Variants in FBXW8 observed in about 807,000 individuals in gnomAD.
FBXW8 encodes F-box/WD repeat-containing protein 8.
FBXW8 carries 57 observed loss-of-function variants against 65.3 expected under a neutral mutation model. The ratio of observed to expected loss-of-function variants is 0.87; its 90% CI spans 0.71 to 1.09. FBXW8 has a LOEUF of 1.09. FBXW8 is among the 50% of genes least tolerant of loss of function. FBXW8 has a pLI of 0.00. For missense variants in FBXW8, 777 were observed against 814.8 expected, an observed-to-expected ratio of 0.95 and a Z score of 0.57; for synonymous variants, 308 against 330.2, an observed-to-expected ratio of 0.93 and a Z score of 0.73.
At chr12:117,001,872 C>T (rs1423639413) in intron 7 of FBXW8, among the ~76,000 whole-genome samples, 1 of 152,212 alleles carries the variant, frequency 6.6e-6, no homozygotes, top group Non-Finnish European at 1.5e-5. Context: ...CTTACCCTTA[C>T]ACCAGCACTG....
intron 4 of FBXW8, chr12:116,951,488 T>C (rs1883283893): frequency 6.6e-6 from 1 of 152,250 alleles, no homozygotes; most frequent in African/African-American, 2.4e-5. Context: ...TCACCCCTTC[T>C]TTCTCTTGTA....
chr12:117,017,768 A>G (rs1030135504), intron 8 of FBXW8, among the ~76,000 whole-genome samples: 15 of 152,086 alleles, frequency 9.9e-5, no homozygotes, highest in African/African-American at 3.6e-4. Flanking sequence ...CCTTAATGAA[A>G]CTGCCGAGCC....
intron 8 of FBXW8, among the ~76,000 whole-genome samples, chr12:117,012,498 G>A (rs915917265): frequency 3.9e-5 from 6 of 152,026 alleles, no homozygotes; most frequent in Non-Finnish European, 5.9e-5. Flanking sequence ...TAGAATATAG[G>A]GGTTTAAAAT....
chr12:116,974,092 A>G (rs1279595348), intron 5 of FBXW8, among the ~76,000 whole-genome samples: 2 of 152,198 alleles, frequency 1.3e-5, no homozygotes, highest in East Asian at 3.9e-4. Flanking sequence ...GGGGGACCTA[A>G]ACAGAGTCTG....
intron 8 of FBXW8, 50 bp downstream of exon 8, chr12:117,010,500 G>A (rs1370672664): frequency 1.2e-6 from 2 of 1,613,042 alleles, no homozygotes; most frequent in South Asian, 2.2e-5. Context: ...CTTCTGCCAA[G>A]GCCCGGCCCC....
chr12:116,969,840 AT>A (rs145399216), intron 5 of FBXW8, among the ~76,000 whole-genome samples: 2,283 of 152,080 alleles, frequency 0.015, 53 homozygotes, highest in African/African-American at 0.046. Context: ...GGGTGTTGAG[AT>A]TTGGCAAGGT....
chr12:116,954,785 T>C (rs1226547166), intron 4 of FBXW8, among the ~76,000 whole-genome samples: 1 of 152,180 alleles, frequency 6.6e-6, no homozygotes, highest in Non-Finnish European at 1.5e-5. Context: ...ATCTAACCTT[T>C]TGACTTGAAG....
chr12:116,960,918 C>G (rs1883948426), intron 4 of FBXW8, among the ~76,000 whole-genome samples: 1 of 152,102 alleles, frequency 6.6e-6, no homozygotes, highest in African/African-American at 2.4e-5. Context: ...AGGGGAGGGC[C>G]TGTGTTAGAC....
chr12:116,964,603 TACTTGTC>T, intron 4 of FBXW8, 87 bp from the exon 5 acceptor site: 1 of 1,478,402 alleles, frequency 6.8e-7, no homozygotes, highest in Non-Finnish European at 9.4e-7. Context: ...ACCCGATTCT[TACTTGTC>T]TGTTGTTGTA....
chr12:116,986,119 T>A (rs1885659662), intron 6 of FBXW8: 1 of 152,088 alleles, frequency 6.6e-6, no homozygotes, highest in African/African-American at 2.4e-5. Flanking sequence ...GGTAGGAGAG[T>A]GAGCAGAAAA....
At chr12:116,939,730 T>C (rs1467875818) in intron 2 of FBXW8, among the ~76,000 whole-genome samples, 3 of 152,152 alleles carry the variant, frequency 2.0e-5, no homozygotes. Flanking sequence ...CCTGTAAAGG[T>C]CTTTATATGT....
intron 5 of FBXW8, chr12:116,978,691 C>T (rs1885110950): frequency 1.3e-5 from 2 of 152,140 alleles, no homozygotes; most frequent in Non-Finnish European, 2.9e-5. Flanking sequence ...CACTAAAGAC[C>T]ACAAGACCAG....
Position 116,961,170 on chromosome 12 carries a change from A to G in FBXW8, c.678-3527A>G, listed in dbSNP as rs560213010. On this transcript the variant is annotated intron_variant, in intron 4 of 10. Transcript: ENST00000652555. This position sits in a 1 kb window ranked among gnomAD's most constrained non-coding sequence, Gnocchi z 4.4. The stretch of plus-strand genomic sequence containing the variant: ...ACCACCACACCTGGCTAATTTTTGC[A>G]TTTTTAGTAGAGACGAGGTTTCACC... Among the ~76,000 whole-genome samples, 55 of 152,198 alleles carry G rather than the reference A, an allele frequency of 3.6e-4. No individual in the cohort carries two copies. Among genetic ancestry groups the G allele is most frequent in the Middle Eastern group, 6.8e-3 (2 of 294 alleles).
At chr12:116,919,456 G>T (rs1880709435) in intron 1 of FBXW8, among the ~76,000 whole-genome samples, 1 of 152,192 alleles carries the variant, frequency 6.6e-6, no homozygotes, top group African/African-American at 2.4e-5. Flanking sequence ...AATGAAATAG[G>T]CATGGAACTT....
intron 7 of FBXW8, among the ~76,000 whole-genome samples, chr12:117,008,867 G>A (rs1472993445): frequency 6.6e-6 from 1 of 152,178 alleles, no homozygotes; most frequent in Non-Finnish European, 1.5e-5. Flanking sequence ...TTGGGAGGCT[G>A]AGGTGGGAGG....
chr12:116,923,586 C>T (rs990421452), intron 1 of FBXW8, among the ~76,000 whole-genome samples: 3 of 151,914 alleles, frequency 2.0e-5, no homozygotes, highest in Non-Finnish European at 4.4e-5. Context: ...TGCAGTGGCG[C>T]GATCTCGGCT....
intron 3 of FBXW8, among the ~76,000 whole-genome samples, chr12:116,947,315 A>G (rs950332626): frequency 6.6e-6 from 1 of 152,168 alleles, no homozygotes; most frequent in Non-Finnish European, 1.5e-5. Flanking sequence ...GGAGACTTCT[A>G]TTTGGAGCGT....
At chr12:117,001,085 G>A (rs922408637) in intron 7 of FBXW8, among the ~76,000 whole-genome samples, 2 of 152,198 alleles carry the variant, frequency 1.3e-5, no homozygotes, top group Admixed American at 6.5e-5. Context: ...AGGATATTCC[G>A]AAGGAATTTG....
At chr12:117,019,019 C>G (rs1954025863) in intron 8 of FBXW8, among the ~76,000 whole-genome samples, 1 of 152,208 alleles carries the variant, frequency 6.6e-6, no homozygotes, top group African/African-American at 2.4e-5. Flanking sequence ...CCATTATGGA[C>G]TAAGGTTAGA....
Sources: allele counts gnomAD v4.1 joint callset (sites outside exome capture counted in the v4.1 genomes callset), GRCh38; gene constraint gnomAD v4.1.1; non-coding constraint Gnocchi (gnomAD v3.1); transcripts MANE v1.5; gene names NCBI Gene and HGNC (gene_info 2026-07-23, HGNC 2026-07-21).